CADPS: variants seen among roughly 807,000 people sequenced by gnomAD.
CADPS encodes calcium dependent secretion activator.
Under a neutral mutation model 167.3 loss-of-function variants are expected in CADPS, and 57 were observed. That is an observed-to-expected ratio of 0.34 (90% CI 0.28 to 0.42). The LOEUF (loss-of-function observed/expected upper bound fraction) is 0.42. Ranked by LOEUF, CADPS falls within the 20% of genes least tolerant of loss-of-function variation. The pLI, the probability that CADPS is intolerant of heterozygous loss-of-function variation, is 1.00. For missense variants in CADPS, 1,414 were observed against 1,738.1 expected, an observed-to-expected ratio of 0.81 and a Z score of 3.32; for synonymous variants, 676 against 635.3, an observed-to-expected ratio of 1.06 and a Z score of -0.96.
chr3:62,752,980 A>G (rs1042864270), intron 3 of CADPS, among the ~76,000 whole-genome samples: 1 of 152,224 alleles, frequency 6.6e-6, no homozygotes, highest in Admixed American at 6.5e-5. Context: ...TGTGACTAAT[A>G]TACAGGTATC....
At chr3:62,466,493 A>C (rs2150396683) in intron 24 of CADPS, 80 bp from the exon 25 acceptor site, 1 of 887,284 alleles carries the variant, frequency 1.1e-6, no homozygotes, top group Non-Finnish European at 1.8e-6. Context: ...AGACAACTTA[A>C]TTTATAAATA....
chr3:62,576,813 A>AAAAAAAAAAAAAAG (rs1562375615), intron 8 of CADPS, among the ~76,000 whole-genome samples: 92 of 149,396 alleles, frequency 6.2e-4, no homozygotes, highest in African/African-American at 2.2e-3. Flanking sequence ...AAAAAAAAAA[A>AAAAAAAAAAAAAAG]AAAAGCAGTC....
chr3:62,787,186 G>T (rs9311848), intron 1 of CADPS, among the ~76,000 whole-genome samples: 1 of 151,676 alleles, frequency 6.6e-6, no homozygotes, highest in African/African-American at 2.4e-5. Context: ...TCCCACCTAC[G>T]TGGGAGGCTG....
chr3:62,565,127 A>G (rs1228925895), intron 9 of CADPS, among the ~76,000 whole-genome samples: 6 of 152,134 alleles, frequency 3.9e-5, no homozygotes. Flanking sequence ...AACAGTAGTA[A>G]TCAATGTGTT....
intron 1 of CADPS, among the ~76,000 whole-genome samples, chr3:62,775,408 A>G (rs2090035966): frequency 6.6e-6 from 1 of 152,168 alleles, no homozygotes; most frequent in African/African-American, 2.4e-5. Flanking sequence ...AAATGAATTC[A>G]GTGAGTTATG....
chr3:62,609,787 C>T (rs2061236942), intron 6 of CADPS, among the ~76,000 whole-genome samples: 1 of 152,112 alleles, frequency 6.6e-6, no homozygotes, highest in African/African-American at 2.4e-5. Flanking sequence ...TTAAAAGGCC[C>T]TTTAAAAACC....
chr3:62,829,948 C>T (rs1361645866), intron 1 of CADPS, among the ~76,000 whole-genome samples: 2 of 152,144 alleles, frequency 1.3e-5, no homozygotes, highest in Non-Finnish European at 2.9e-5. Flanking sequence ...TGTCAATAAA[C>T]AGGGGCATCT....
In CADPS at chr3:62,854,823, C is replaced by T. The variant is rs899887888; in HGVS notation, c.441+19766G>A. On this transcript the variant is annotated intron_variant, in intron 1 of 29. Transcript: ENST00000383710. ...AAAATAGAGATGGAGTGCTAGTTTT[C>T]TAAACTTTTTTAAAAAGTTGACTGT... Among the ~76,000 whole-genome samples, 10 of 152,142 alleles carry T rather than the reference C, an allele frequency of 6.6e-5. No homozygotes were observed. In the East Asian group the frequency reaches 1.4e-3, roughly 21 times the overall value.
At chr3:62,670,761 C>T (rs937282684) in intron 3 of CADPS, among the ~76,000 whole-genome samples, 10 of 152,116 alleles carry the variant, frequency 6.6e-5, no homozygotes, top group Non-Finnish European at 1.0e-4. Context: ...CCATCTTCCC[C>T]GCAGTCCTGA....
At chr3:62,759,551 C>T in intron 2 of CADPS, among the ~76,000 whole-genome samples, 1 of 152,020 alleles carries the variant, frequency 6.6e-6, no homozygotes, top group East Asian at 1.9e-4. Flanking sequence ...GAGAGTATGC[C>T]ATTTGTGTGA....
At position 62,401,965 on chromosome 3, in the gene CADPS, C is replaced by T. The variant is rs143547848; in HGVS notation, c.3882+1116G>A. 2.0e-4 allele frequency among the ~76,000 whole-genome samples: 31 copies of T among 152,082 alleles called. No homozygotes were observed. The South Asian group carries it at 3.1e-3, about 15-fold the overall frequency. Reference sequence around the variant, plus strand: ...AGAAAATGGAATTCAAGTGGTCAGGCGACCACTTGACGATTGAGCTGGTCC... The same window carrying T: ...AGAAAATGGAATTCAAGTGGTCAGGTGACCACTTGACGATTGAGCTGGTCC... On this transcript the variant is annotated intron_variant, in intron 29 of 29. Coordinates refer to ENST00000383710, the MANE Select transcript of CADPS (RefSeq NM_003716.4).
intron 1 of CADPS, among the ~76,000 whole-genome samples, chr3:62,794,092 T>A (rs1244723533): frequency 1.3e-5 from 2 of 152,190 alleles, no homozygotes; most frequent in Non-Finnish European, 2.9e-5. Flanking sequence ...CAGCGATAAC[T>A]CTAATTTAAA....
intron 17 of CADPS, among the ~76,000 whole-genome samples, chr3:62,510,205 T>TCTATCTATCTAC: frequency 6.6e-6 from 1 of 151,500 alleles, no homozygotes; most frequent in South Asian, 2.1e-4. Context: ...TATCTATCTA[T>TCTATCTATCTAC]CTATCTATCT....
chr3:62,471,941 A>G (rs2060672723), intron 24 of CADPS, among the ~76,000 whole-genome samples: 1 of 152,226 alleles, frequency 6.6e-6, no homozygotes, highest in Non-Finnish European at 1.5e-5. Flanking sequence ...TAATAAAAAG[A>G]CAAATAACCC....
At chr3:62,590,828 A>C (rs527444477) in intron 7 of CADPS, among the ~76,000 whole-genome samples, 2 of 152,112 alleles carry the variant, frequency 1.3e-5, no homozygotes, top group Admixed American at 1.3e-4. Flanking sequence ...ACCAGAATGA[A>C]ATAAAATTTA....
chr3:62,517,499 G>A (rs1044869811), intron 14 of CADPS, among the ~76,000 whole-genome samples: 1 of 152,112 alleles, frequency 6.6e-6, no homozygotes, highest in Non-Finnish European at 1.5e-5. Flanking sequence ...TCTATATCTG[G>A]TATATAGGAA....
intron 3 of CADPS, among the ~76,000 whole-genome samples, chr3:62,663,563 C>T (rs1218400048): frequency 8.9e-5 from 13 of 145,734 alleles, no homozygotes; most frequent in African/African-American, 3.3e-4. Context: ...TTCTAAGTCC[C>T]TTTCTTCTAA....
intron 23 of CADPS, among the ~76,000 whole-genome samples, chr3:62,475,584 G>GAAAAAAAAA (rs34263556): frequency 4.3e-4 from 24 of 55,950 alleles, no homozygotes; most frequent in African/African-American, 1.8e-3. Context: ...CAGTTCTTAA[G>GAAAAAAAAA]AAAAAAAAAA....
chr3:62,467,005 G>C (rs926850921), intron 24 of CADPS, among the ~76,000 whole-genome samples: 2 of 152,022 alleles, frequency 1.3e-5, no homozygotes, highest in African/African-American at 4.8e-5. Context: ...TCCATACATG[G>C]ATAAACAGAC....
Sources: allele counts gnomAD v4.1 joint callset (sites outside exome capture counted in the v4.1 genomes callset), GRCh38; gene constraint gnomAD v4.1.1; transcripts MANE v1.5; gene names NCBI Gene and HGNC (gene_info 2026-07-23, HGNC 2026-07-21).